C10orf95: variants seen among roughly 807,000 people sequenced by gnomAD.
C10orf95 encodes chromosome 10 open reading frame 95.
For synonymous variants in C10orf95, 188 were observed against 160.4 expected (o/e 1.17, Z -1.30); for missense variants, 412 against 327.4 (o/e 1.26, Z -1.99).
intron 1 of C10orf95, 64 bp from the exon 2 acceptor site, chr10:102,451,211 C>T: frequency 2.8e-6 from 4 of 1,450,584 alleles, no homozygotes; most frequent in Non-Finnish European, 3.6e-6. Flanking sequence ...CCCTGTGGGC[C>T]GGTTCCCCGG....
rs911592714 is a variant in C10orf95, at chr10:102,450,619, C to T, written c.475G>A (p.Val159Ile). ...YGTYPRADVR[V>I]TQRRGQFLLQ... ...AGGAACTGGCCGCGGCGCTGGGTGA[C>T]GCGCACGTCGGCGCGGGGGTAGGTG... Residue 159 changes from valine (V) to isoleucine (I), a missense_variant, in exon 2 of 2, where the codon GTC becomes ATC. Physicochemically the swap from Val to Ile is conservative, Grantham distance 29. Coordinates refer to ENST00000625129, the MANE Select transcript of C10orf95 (RefSeq NM_001363580.1). The T allele has an allele frequency of 1.6e-6, 2 of 1,239,302 alleles. No individual in the cohort carries two copies. Among genetic ancestry groups the T allele is most frequent in the South Asian group, 3.3e-5 (1 of 30,384 alleles). 76.8% of individuals were successfully genotyped at this position (1,239,302 alleles called of 1,614,324 possible).
rs768677275 is a variant in C10orf95, at chr10:102,451,525, C to T, written c.-194G>A. 3 of 1,322,352 alleles carry T rather than the reference C, an allele frequency of 2.3e-6. No individual in the cohort carries two copies. Among genetic ancestry groups the T allele is most frequent in the Non-Finnish European group, 3.0e-6 (3 of 1,003,074 alleles). The allele number at this position is 1,322,352 out of a possible 1,614,324, so 81.9% of individuals were successfully genotyped here. On this transcript the variant is annotated 5_prime_UTR_variant, in exon 1 of 2. Transcript: ENST00000625129. ...GGCAAAAGGAAACACCTTGAGCTGG[C>T]CAGGAGCTACCAGCGTCTGTCTACA...
chr10:102,450,444 CG>C lies in C10orf95; in HGVS notation c.*7del. On this transcript the variant is annotated 3_prime_UTR_variant, in exon 2 of 2. Coordinates refer to ENST00000625129, the MANE Select transcript of C10orf95 (RefSeq NM_001363580.1). Reference sequence around the variant, plus strand: ...CACGCGGGCCCGCCCCTAGGCCTTGCGGCGGCTTCAGCTCAGGCCCTTGCTC... The same window carrying C: ...CACGCGGGCCCGCCCCTAGGCCTTGCGCGGCTTCAGCTCAGGCCCTTGCTC... 6.6e-7 allele frequency: 1 copy of C among 1,524,504 alleles called. No homozygotes were observed. The highest frequency in any genetic ancestry group is 8.8e-7 in the Non-Finnish European group (1 of 1,139,292). 94.4% of individuals were successfully genotyped at this position (1,524,504 alleles called of 1,614,324 possible).
Sources: gnomAD v4.1 joint callset for allele counts on GRCh38, gnomAD v4.1.1 for gene constraint, MANE v1.5 for transcripts, NCBI Gene and HGNC (gene_info 2026-07-23, HGNC 2026-07-21) for gene names.